The following BCAS3 variants were observed in gnomAD, a reference collection of about 807,000 sequenced individuals.
BCAS3 encodes BCAS3 microtubule associated cell migration factor.
Under a neutral mutation model 116.1 loss-of-function variants are expected in BCAS3, and 53 were observed. The ratio of observed to expected loss-of-function variants is 0.46; its 90% CI spans 0.37 to 0.57. The LOEUF is 0.57. BCAS3 is among the 20% of genes least tolerant of loss of function. BCAS3 has a pLI of 0.00. For missense variants in BCAS3, 917 were observed against 1,165.4 expected (o/e 0.79, Z 3.10); for synonymous variants, 391 against 408.2 (o/e 0.96, Z 0.51).
At chr17:61,319,563 C>CTT (rs935864446) in intron 22 of BCAS3, among the ~76,000 whole-genome samples, 3 of 133,084 alleles carry the variant, frequency 2.3e-5, no homozygotes, top group African/African-American at 8.3e-5. Context: ...GCTATAGAGG[C>CTT]TTTTTTTTTT....
chr17:60,776,240 A>T (rs544182056), intron 6 of BCAS3, among the ~76,000 whole-genome samples: 1 of 152,190 alleles, frequency 6.6e-6, no homozygotes, highest in Non-Finnish European at 1.5e-5. Flanking sequence ...GTGTGTGTGT[A>T]TAGATGTATA....
rs371178241 is a variant in BCAS3 at position 61,285,231 on chromosome 17, T to TTGTGTGTGTGTG, written c.2426-83080_2426-83069dup. 1.0e-3 allele frequency among the ~76,000 whole-genome samples: 145 copies of TTGTGTGTGTGTG among 140,088 alleles called. 2 individuals carry two copies. Among genetic ancestry groups the TTGTGTGTGTGTG allele is most frequent in the African/African-American group, 3.6e-3 (119 of 32,946 alleles). The allele number at this position is 140,088 out of a possible 152,430, so 91.9% of individuals were successfully genotyped here. ...GTTTTGCTTTTCCCCTCCTCCTAGG[T>TTGTGTGTGTGTG]TGTGTGTGTGTGTGTGTGTGTGTGT... is the stretch of plus-strand genomic sequence containing the variant. On this transcript the variant is annotated intron_variant, in intron 22 of 23. Transcript: ENST00000407086. The surrounding 1 kb of genome is among the most constrained non-coding windows in gnomAD (Gnocchi z 5.4).
In BCAS3 at chr17:61,217,242, C is replaced by T. The variant is rs2081855302; in HGVS notation, c.2425+132678C>T. Among the ~76,000 whole-genome samples the T allele has an allele frequency of 6.6e-6, 1 of 152,152 alleles. No homozygotes were observed. The highest frequency in any genetic ancestry group is 6.5e-5 in the Admixed American group (1 of 15,282). ...AGGTTGCAGTGAGCTGAGATCGTGC[C>T]ACTGCACTCCAGCCTGAGTGACAGA... is the stretch of plus-strand genomic sequence containing the variant. On this transcript the variant is annotated intron_variant, in intron 22 of 23. Coordinates refer to ENST00000407086, the MANE Select transcript of BCAS3 (RefSeq NM_017679.5). The surrounding 1 kb of genome is among the most constrained non-coding windows in gnomAD (Gnocchi z 5.2).
Position 61,388,770 on chromosome 17 carries a change from AG to A in BCAS3, c.2594-3201del. 2.7e-6 allele frequency: 4 copies of A among 1,461,756 alleles called. No homozygotes were observed. Among genetic ancestry groups the A allele is most frequent in the South Asian group, 1.2e-5 (1 of 80,984 alleles). 90.5% of individuals were successfully genotyped at this position (1,461,756 alleles called of 1,614,324 possible). A position where few individuals can be genotyped will look rare whatever the true frequency, so the allele number is the denominator to read the frequency against. On this transcript the variant is annotated intron_variant, in intron 23 of 23. Transcript: ENST00000407086. This position sits in a 1 kb window ranked among gnomAD's most constrained non-coding sequence, Gnocchi z 6.5. ...GGGCTGGGCGGCCGGGATGACTTGG[AG>A]GGGGGAATCTGAGCAGCCCTCCTCC...
intron 7 of BCAS3, among the ~76,000 whole-genome samples, chr17:60,839,999 A>T (rs1048032845): frequency 6.6e-6 from 1 of 152,152 alleles, no homozygotes; most frequent in Non-Finnish European, 1.5e-5. Context: ...AAATCATAAA[A>T]GCCATATTTC....
chr17:60,852,997 T>C (rs1184974788), intron 7 of BCAS3, among the ~76,000 whole-genome samples: 1 of 152,212 alleles, frequency 6.6e-6, no homozygotes, highest in Non-Finnish European at 1.5e-5. Flanking sequence ...TGCACAAAGA[T>C]GCGTATAGCA....
At chr17:60,735,223 A>T (rs950415338) in intron 5 of BCAS3, among the ~76,000 whole-genome samples, 2 of 152,062 alleles carry the variant, frequency 1.3e-5, no homozygotes, top group African/African-American at 2.4e-5. Context: ...TTGTTGAATC[A>T]TTTGTATTTT....
chr17:61,149,548 T>G (rs2077433161), intron 22 of BCAS3, among the ~76,000 whole-genome samples: 1 of 152,236 alleles, frequency 6.6e-6, no homozygotes, highest in Non-Finnish European at 1.5e-5. Flanking sequence ...TTTTTCATTC[T>G]GAACTTTTAA....
At chr17:60,760,368 T>C (rs1870676171) in intron 6 of BCAS3, among the ~76,000 whole-genome samples, 1 of 152,008 alleles carries the variant, frequency 6.6e-6, no homozygotes, top group South Asian at 2.1e-4. Flanking sequence ...CCTTTGAGCA[T>C]CTCTTGTAGG....
At chr17:60,931,363 C>A (rs1389509409) in intron 13 of BCAS3, among the ~76,000 whole-genome samples, 5 of 152,128 alleles carry the variant, frequency 3.3e-5, no homozygotes, top group Admixed American at 3.3e-4. Flanking sequence ...GCAACCTCCA[C>A]CTCCCGGGTT....
intron 15 of BCAS3, among the ~76,000 whole-genome samples, chr17:61,006,177 C>T (rs1226385459): frequency 1.3e-5 from 2 of 151,930 alleles, no homozygotes; most frequent in Non-Finnish European, 2.9e-5. Context: ...TGTGTTGTGG[C>T]TATACTTTTT....
intron 19 of BCAS3, among the ~76,000 whole-genome samples, chr17:61,062,691 C>A (rs1349647624): frequency 6.6e-6 from 1 of 152,096 alleles, no homozygotes; most frequent in Non-Finnish European, 1.5e-5. Flanking sequence ...TCAAGATAAG[C>A]CCCATCAAGT....
In BCAS3 at chr17:61,186,609, G is replaced by A. The variant is rs1450395349; in HGVS notation, c.2425+102045G>A. 7.9e-5 allele frequency among the ~76,000 whole-genome samples: 12 copies of A among 151,658 alleles called. No homozygotes were observed. The stretch of plus-strand genomic sequence containing the variant: ...TTCATATTATTTTAAATTTTCAATC[G>A]GTTCAAAATTCAAAACATAAAAGGA... On this transcript the variant is annotated intron_variant, in intron 22 of 23. Transcript: ENST00000407086. This position sits in a 1 kb window ranked among gnomAD's most constrained non-coding sequence, Gnocchi z 4.9.
intron 7 of BCAS3, among the ~76,000 whole-genome samples, chr17:60,838,118 G>A (rs762830018): frequency 2.6e-5 from 4 of 152,122 alleles, no homozygotes; most frequent in Non-Finnish European, 4.4e-5. Flanking sequence ...TTGATGAATT[G>A]TAAGGCATGG....
chr17:61,149,289 T>C (rs1292478074), intron 22 of BCAS3, among the ~76,000 whole-genome samples: 2 of 152,164 alleles, frequency 1.3e-5, no homozygotes, highest in Non-Finnish European at 1.5e-5. Flanking sequence ...ATTATTATTA[T>C]GTACAGCTGT....
intron 6 of BCAS3, among the ~76,000 whole-genome samples, chr17:60,806,122 C>G (rs571031611): frequency 6.6e-6 from 1 of 151,960 alleles, no homozygotes; most frequent in Non-Finnish European, 1.5e-5. Context: ...GTGATCCACC[C>G]GCCTCGGCCT....
At chr17:60,907,931 G>A (rs1455093898) in intron 11 of BCAS3, among the ~76,000 whole-genome samples, 1 of 152,154 alleles carries the variant, frequency 6.6e-6, no homozygotes, top group East Asian at 1.9e-4. Context: ...GCTCATAGAT[G>A]TGCTTGATGC....
intron 9 of BCAS3, among the ~76,000 whole-genome samples, chr17:60,876,429 A>G (rs1198750451): frequency 2.6e-5 from 4 of 151,916 alleles, no homozygotes; most frequent in African/African-American, 9.7e-5. Flanking sequence ...TGTAGATAGT[A>G]ATTCTTATAT....
intron 5 of BCAS3, among the ~76,000 whole-genome samples, chr17:60,742,228 A>C (rs2041622301): frequency 1.3e-5 from 2 of 152,288 alleles, no homozygotes; most frequent in South Asian, 4.1e-4. Flanking sequence ...TGTGCACAAG[A>C]ATCAATTGCA....
Sources: gnomAD v4.1 joint callset for allele counts (sites outside exome capture counted in the v4.1 genomes callset) on GRCh38, gnomAD v4.1.1 for gene constraint, Gnocchi (gnomAD v3.1) non-coding constraint, MANE v1.5 for transcripts, NCBI Gene and HGNC (gene_info 2026-07-23, HGNC 2026-07-21) for gene names.